ATP2B4: variants seen among roughly 807,000 people sequenced by gnomAD.
The protein encoded by ATP2B4 is plasma membrane calcium-transporting ATPase 4.
Under a neutral mutation model 110.3 loss-of-function variants are expected in ATP2B4, and 39 were observed. The ratio of observed to expected loss-of-function variants is 0.35; its 90% confidence interval spans 0.27 to 0.46. The LOEUF is 0.46. Among genes scored for constraint, ATP2B4 ranks in the 20% least tolerant of loss-of-function variants. ATP2B4 has a pLI of 1.00. For synonymous variants in ATP2B4, 538 were observed against 571.7 expected (o/e 0.94, Z 0.84); for missense variants, 1,135 against 1,530.9 (o/e 0.74, Z 4.32).
chr1:203,646,128 C>A (rs1309760570), intron 1 of ATP2B4, among the ~76,000 whole-genome samples: 1 of 152,058 alleles, frequency 6.6e-6, no homozygotes, highest in Non-Finnish European at 1.5e-5. Flanking sequence ...TGAGCACTTA[C>A]TATATTTCAG....
intron 2 of ATP2B4, 100 bp from the exon 3 acceptor site, chr1:203,698,057 A>C: frequency 1.0e-6 from 1 of 970,414 alleles, no homozygotes. Context: ...CCCAGGCTAG[A>C]GTGTAATGAC....
Position 203,743,534 on chromosome 1 carries a change from CT to C in ATP2B4, c.*3683del, listed in dbSNP as rs1018350319. The stretch of plus-strand genomic sequence containing the variant: ...GATGAGCTCCCATAACTGAATTGGC[CT>C]TTGGTTCATGTTTTCTCCCCATATG... On this transcript the variant is annotated 3_prime_UTR_variant, in exon 21 of 21. Coordinates refer to ENST00000357681, the MANE Select transcript of ATP2B4 (RefSeq NM_001684.5). 2 of 152,582 alleles carry C rather than the reference CT, an allele frequency of 1.3e-5. No individual in the cohort carries two copies. Among genetic ancestry groups the C allele is most frequent in the African/African-American group, 4.8e-5 (2 of 41,422 alleles). 9.5% of individuals were successfully genotyped at this position (152,582 alleles called of 1,614,324 possible). A position where few individuals can be genotyped will look rare whatever the true frequency, so the allele number is the denominator to read the frequency against.
intron 1 of ATP2B4, among the ~76,000 whole-genome samples, chr1:203,677,646 T>C (rs1664867683): frequency 6.6e-6 from 1 of 152,208 alleles, no homozygotes; most frequent in East Asian, 1.9e-4. Flanking sequence ...CTGTTTTTAG[T>C]AGAGACAGGG....
Position 203,703,735 on chromosome 1 carries a change from G to T in ATP2B4, c.1021G>T (p.Ala341Ser). The change falls in exon 8 of 21, where the codon GCA (alanine) becomes TCA (serine). Residue 341 changes from alanine to serine, a missense_variant. Coordinates refer to ENST00000357681, the MANE Select transcript of ATP2B4 (RefSeq NM_001684.5). ...GIDNEEKDKK[A>S]VKVPKKEKSV... is the part of the protein sequence containing the mutation. ...CGACAATGAGGAAAAGGACAAGAAG[G>T]CAGTCAAGGTGCCTAAAAAGGAGAA... is the stretch of plus-strand genomic sequence containing the variant. 1 of 1,614,162 alleles carries T rather than the reference G, an allele frequency of 6.2e-7. No individual in the cohort carries two copies.
intron 15 of ATP2B4, among the ~76,000 whole-genome samples, chr1:203,719,804 A>G (rs6665883): frequency 0.042 from 6,396 of 152,130 alleles, 463 homozygotes; most frequent in East Asian, 0.3. Flanking sequence ...CCATACCATC[A>G]ACTCATTTTT....
chr1:203,681,133 C>A (rs1270311789), intron 1 of ATP2B4, among the ~76,000 whole-genome samples: 12 of 152,050 alleles, frequency 7.9e-5, no homozygotes, highest in African/African-American at 2.7e-4. Flanking sequence ...GAAGGGAGTA[C>A]GATATTTTAA....
At chr1:203,657,348 A>C in intron 1 of ATP2B4, 1 of 745,744 alleles carries the variant, frequency 1.3e-6, no homozygotes, top group Admixed American at 2.0e-5. Context: ...AACAACTTTT[A>C]ATACGTCTGT....
intron 20 of ATP2B4, among the ~76,000 whole-genome samples, chr1:203,736,341 G>T (rs191880642): frequency 1.3e-5 from 2 of 152,108 alleles, no homozygotes; most frequent in African/African-American, 4.8e-5. Context: ...GGTGGCGCAC[G>T]TCTGTAATCC....
In ATP2B4 at chr1:203,713,237, C is replaced by G. The variant is rs199982937; in HGVS notation, c.2284C>G (p.His762Asp). 1 of 1,614,160 alleles carries G rather than the reference C, an allele frequency of 6.2e-7. No homozygotes were observed. The highest frequency in any genetic ancestry group is 2.2e-5 in the East Asian group (1 of 44,878). ...VLARSSPTDK[H>D]TLVKGIIDST... is the part of the protein sequence containing the mutation. ...GGCGCGATCTTCTCCCACTGACAAG[C>G]ACACCCTGGTGAAAGGTGAGGTTGG... Residue 762 changes from histidine (H) to aspartate (D), a missense_variant, in exon 14 of 21, where the codon CAC becomes GAC. By Grantham distance (81) the His-to-Asp change is moderately conservative. This residue lies in a region of ATP2B4 where 368 missense variants were observed against 455.9 expected (regional missense o/e 0.81). Transcript: ENST00000357681.
At chr1:203,708,533 G>A (rs747080307) in intron 10 of ATP2B4, among the ~76,000 whole-genome samples, 13 of 152,116 alleles carry the variant, frequency 8.5e-5, no homozygotes, top group Non-Finnish European at 1.6e-4. Context: ...CAAGGATCAC[G>A]GTTACCACTG....
chr1:203,695,726 C>A (rs942908536), intron 2 of ATP2B4, among the ~76,000 whole-genome samples: 1 of 148,058 alleles, frequency 6.8e-6, no homozygotes, highest in African/African-American at 2.5e-5. Context: ...TCCCACCCCC[C>A]ACATCTACCT....
intron 18 of ATP2B4, 99 bp downstream of exon 18, chr1:203,722,788 A>C: frequency 9.0e-7 from 1 of 1,115,882 alleles, no homozygotes; most frequent in South Asian, 1.5e-5. Context: ...GGAATGAAGG[A>C]ATTACGGGGA....
intron 17 of ATP2B4, 102 bp from the exon 18 acceptor site, chr1:203,722,376 G>C (rs1228277796): frequency 1.1e-6 from 1 of 904,402 alleles, no homozygotes; most frequent in African/African-American, 1.7e-5. Flanking sequence ...TGATTAATTA[G>C]AATGGACACC....
chr1:203,647,035 T>G (rs140504613), intron 1 of ATP2B4, among the ~76,000 whole-genome samples: 251 of 151,996 alleles, frequency 1.7e-3, no homozygotes, highest in African/African-American at 6.0e-3. Flanking sequence ...TCATGAGCAT[T>G]TTCCCACATC....
chr1:203,674,637 C>CTTTTTTTTTT (rs57153257), intron 1 of ATP2B4, among the ~76,000 whole-genome samples: 1 of 46,228 alleles, frequency 2.2e-5, no homozygotes, highest in African/African-American at 8.6e-5. Flanking sequence ...CCACACCTGG[C>CTTTTTTTTTT]TTTTTTTTTT....
At chr1:203,657,602 C>G in intron 1 of ATP2B4, 1 of 974,000 alleles carries the variant, frequency 1.0e-6, no homozygotes, top group Non-Finnish European at 1.7e-6. Flanking sequence ...TAAGGTAAAG[C>G]TTAGCCTTCA....
chr1:203,634,634 G>A (rs1663381702), intron 1 of ATP2B4, among the ~76,000 whole-genome samples: 2 of 152,156 alleles, frequency 1.3e-5, no homozygotes, highest in South Asian at 2.1e-4. Context: ...TCATAGACTG[G>A]GTGGCTTAAG....
chr1:203,700,792 G>A lies in ATP2B4; in HGVS notation c.776-6G>A, dbSNP rs773659058. Reference sequence around the variant, plus strand: ...ATTCCTTCCCATCTTCTCCTTTCCCGTGTAGGGACCCATGTCATGGAAGGT... The same window carrying A: ...ATTCCTTCCCATCTTCTCCTTTCCCATGTAGGGACCCATGTCATGGAAGGT... On this transcript the variant is annotated splice_polypyrimidine_tract_variant and splice_region_variant and intron_variant, in intron 5 of 20. Transcript: ENST00000357681. 5.0e-5 allele frequency: 80 copies of A among 1,613,024 alleles called. No homozygotes were observed. The highest frequency in any genetic ancestry group is 1.6e-4 in the Middle Eastern group (1 of 6,080).
intron 1 of ATP2B4, among the ~76,000 whole-genome samples, chr1:203,659,902 T>C (rs1046658611): frequency 6.6e-6 from 1 of 151,728 alleles, no homozygotes; most frequent in African/African-American, 2.4e-5. Context: ...GCCAAAATGG[T>C]GAAATCCTGT....
Sources: gnomAD v4.1 joint callset for allele counts (sites outside exome capture counted in the v4.1 genomes callset) on GRCh38, gnomAD v4.1.1 for gene constraint, gnomAD v4.1.1 regional missense constraint, MANE v1.5 for transcripts, NCBI Gene and HGNC (gene_info 2026-07-23, HGNC 2026-07-21) for gene names.